F13A1: variants seen among roughly 807,000 people sequenced by gnomAD.
F13A1 encodes FSF, A subunit.
Under a neutral mutation model 80.1 loss-of-function variants are expected in F13A1, and 47 were observed. That is an observed-to-expected ratio of 0.59 (90% CI 0.46 to 0.75). F13A1 has a LOEUF of 0.75. F13A1 is among the 30% of genes least tolerant of loss of function. The pLI is 0.00. For synonymous variants in F13A1, 349 were observed against 344.9 expected (o/e 1.01, Z -0.13); for missense variants, 817 against 930.4 (o/e 0.88, Z 1.59).
At chr6:6,203,438 T>TAAGTC (rs2151084436) in intron 8 of F13A1, among the ~76,000 whole-genome samples, 1 of 152,360 alleles carries the variant, frequency 6.6e-6, no homozygotes, top group East Asian at 1.9e-4. Flanking sequence ...ATGAGCCTTT[T>TAAGTC]AAGTCTGGGT....
chr6:6,269,407 C>A (rs1259102944), intron 3 of F13A1, among the ~76,000 whole-genome samples: 1 of 151,880 alleles, frequency 6.6e-6, no homozygotes, highest in Non-Finnish European at 1.5e-5. Flanking sequence ...CCTATCAAAG[C>A]CCAAATCTAT....
In F13A1 at chr6:6,300,908, C is replaced by A. The variant is rs143773019; in HGVS notation, c.319+4443G>T. 1.7e-4 allele frequency among the ~76,000 whole-genome samples: 26 copies of A among 151,878 alleles called. No individual in the cohort carries two copies. In the East Asian group the frequency reaches 3.5e-3, roughly 20 times the overall value. On this transcript the variant is annotated intron_variant, in intron 3 of 14. Coordinates refer to ENST00000264870, the MANE Select transcript of F13A1 (RefSeq NM_000129.4). ...TTTAGACATTTAGCTGATTGTAAAA[C>A]GTTAGCTAAAATGGATCTTCTCTTG...
At position 6,238,247 on chromosome 6, in the gene F13A1, C is replaced by T. The variant is rs192787797; in HGVS notation, c.798+10065G>A. On this transcript the variant is annotated intron_variant, in intron 6 of 14. Transcript: ENST00000264870. Reference sequence around the variant, plus strand: ...TTTTCAACAAAGAAACTCTTTGCAACGAATGAAAGCCTTTCCAACAGTCTT... The same window carrying T: ...TTTTCAACAAAGAAACTCTTTGCAATGAATGAAAGCCTTTCCAACAGTCTT... Among the ~76,000 whole-genome samples the T allele has an allele frequency of 8.5e-5, 13 of 152,274 alleles. No homozygotes were observed. The East Asian group carries it at 1.3e-3, about 16-fold the overall frequency.
chr6:6,230,257 C>T (rs1023004467), intron 6 of F13A1, among the ~76,000 whole-genome samples: 15 of 152,136 alleles, frequency 9.9e-5, no homozygotes, highest in Non-Finnish European at 1.9e-4. Context: ...GAGGGGGGCA[C>T]GGTGGGAGTG....
intron 13 of F13A1, among the ~76,000 whole-genome samples, chr6:6,154,855 T>C (rs903824323): frequency 5.3e-5 from 8 of 152,260 alleles, no homozygotes; most frequent in Non-Finnish European, 1.0e-4. Flanking sequence ...CTGAAGAAGA[T>C]GGAGCTGCCA....
At position 6,318,685 on chromosome 6, in the gene F13A1, T is replaced by TCA; in HGVS notation, c.-18-5_-18-4dup. 1.6e-5 allele frequency: 23 copies of TCA among 1,415,610 alleles called. No homozygotes were observed. Among genetic ancestry groups the TCA allele is most frequent in the East Asian group, 1.1e-4 (4 of 36,324 alleles). The allele number at this position is 1,415,610 out of a possible 1,614,324, so 87.7% of individuals were successfully genotyped here. A position where few individuals can be genotyped will look rare whatever the true frequency, so the allele number is the denominator to read the frequency against. On this transcript the variant is annotated splice_region_variant and splice_polypyrimidine_tract_variant and intron_variant, in intron 1 of 14. Coordinates refer to ENST00000264870, the MANE Select transcript of F13A1 (RefSeq NM_000129.4). ...GACATTTTTGACTTTACAAGGTCCT[T>TCA]CAGAAAAAAAAAAAAAAGAAGACAA...
chr6:6,169,960 C>T (rs1314961517), intron 12 of F13A1, among the ~76,000 whole-genome samples: 1 of 152,184 alleles, frequency 6.6e-6, no homozygotes, highest in Admixed American at 6.5e-5. Flanking sequence ...CAGGTCCTGC[C>T]TTTTGGAATG....
Position 6,305,299 on chromosome 6 carries a change from C to G in F13A1, c.319+52G>C, listed in dbSNP as rs1229382837. ...CACAACTGTGCCTGTACCCACCTCT[C>G]TCTACAATGCAACCCATGGTGTCAA... On this transcript the variant is annotated intron_variant, in intron 3 of 14. Coordinates refer to ENST00000264870, the MANE Select transcript of F13A1 (RefSeq NM_000129.4). 3.1e-6 allele frequency: 5 copies of G among 1,601,624 alleles called. No individual in the cohort carries two copies. The South Asian group carries it at 3.3e-5, about 11-fold the overall frequency.
chr6:6,293,106 TC>T (rs1480904354), intron 3 of F13A1, among the ~76,000 whole-genome samples: 2 of 152,050 alleles, frequency 1.3e-5, no homozygotes, highest in Non-Finnish European at 2.9e-5. Context: ...GAGGGAAAGG[TC>T]AGGAGAATCT....
chr6:6,212,620 G>A (rs1323172517), intron 8 of F13A1, among the ~76,000 whole-genome samples: 17 of 152,156 alleles, frequency 1.1e-4, no homozygotes, highest in South Asian at 2.1e-4. Context: ...AAAGCAGAGC[G>A]CCTCTCCTCC....
chr6:6,167,365 C>A, intron 13 of F13A1, 93 bp downstream of exon 13: 12 of 1,235,438 alleles, frequency 9.7e-6, no homozygotes, highest in South Asian at 1.2e-5. Flanking sequence ...CATTCATTCA[C>A]ACACACACAC....
At chr6:6,160,325 C>G (rs956399133) in intron 13 of F13A1, among the ~76,000 whole-genome samples, 9 of 149,624 alleles carry the variant, frequency 6.0e-5, no homozygotes, top group Non-Finnish European at 1.2e-4. Context: ...GAATTTTTCT[C>G]TGATAATGTT....
intron 11 of F13A1, 104 bp downstream of exon 11, chr6:6,181,884 G>A: frequency 7.9e-7 from 1 of 1,259,768 alleles, no homozygotes; most frequent in Non-Finnish European, 1.2e-6. Context: ...GCTACCAAAT[G>A]CTGCAAATGC....
chr6:6,302,547 A>G (rs1207794845), intron 3 of F13A1, among the ~76,000 whole-genome samples: 1 of 152,216 alleles, frequency 6.6e-6, no homozygotes, highest in African/African-American at 2.4e-5. Context: ...TATAAAAAGT[A>G]AAAAATGGTA....
chr6:6,268,073 T>C (rs554973517), intron 3 of F13A1, among the ~76,000 whole-genome samples: 1 of 152,368 alleles, frequency 6.6e-6, no homozygotes, highest in Non-Finnish European at 1.5e-5. Context: ...AGCTATGCTT[T>C]TTCATGCTGA....
rs116295280 is a variant in F13A1, at chr6:6,192,809, C to T, written c.1305+2988G>A. Among the ~76,000 whole-genome samples the T allele has an allele frequency of 6.3e-3, 959 of 152,098 alleles. 11 individuals are homozygous for T. The highest frequency in any genetic ancestry group is 0.022 in the African/African-American group (916 of 41,474). ...GAGGGCAGGCAGGAGTGTGTGCATG[C>T]ATGTGTGTGTGTATGTGAGTGAGTT... On this transcript the variant is annotated intron_variant, in intron 10 of 14. Coordinates refer to ENST00000264870, the MANE Select transcript of F13A1 (RefSeq NM_000129.4).
In F13A1 at chr6:6,224,752, A is replaced by T; in HGVS notation, c.907T>A (p.Tyr303Asn). ...WTGSVDILLE[Y>N]RSSENPVRYG... ...CGGACTGGATTCTCAGAGCTCCGGT[A>T]TTCCAATAGAATGTCAACGCTTCCA... The change falls in exon 7 of 15, where the codon TAC (tyrosine) becomes AAC (asparagine). Residue 303 changes from tyrosine to asparagine, a missense_variant. Transcript: ENST00000264870. 6.2e-7 allele frequency: 1 copy of T among 1,614,186 alleles called. No homozygotes were observed. Among genetic ancestry groups the T allele is most frequent in the South Asian group, 1.1e-5 (1 of 91,086 alleles).
At chr6:6,187,210 C>T (rs1005509946) in intron 10 of F13A1, among the ~76,000 whole-genome samples, 66 of 128,834 alleles carry the variant, frequency 5.1e-4, no homozygotes, top group Non-Finnish European at 8.7e-4. Flanking sequence ...ATTGAATACC[C>T]TTTATTTCCT....
intron 6 of F13A1, among the ~76,000 whole-genome samples, chr6:6,235,013 A>C (rs2113079320): frequency 6.6e-6 from 1 of 152,150 alleles, no homozygotes; most frequent in East Asian, 1.9e-4. Flanking sequence ...TTTGTGATAA[A>C]GTTGCAAAGG....
Sources: allele counts gnomAD v4.1 joint callset (sites outside exome capture counted in the v4.1 genomes callset), GRCh38; gene constraint gnomAD v4.1.1; transcripts MANE v1.5; gene names NCBI Gene and HGNC (gene_info 2026-07-23, HGNC 2026-07-21).